The following MFHAS1 variants were observed in gnomAD, a reference collection of about 807,000 sequenced individuals.
MFHAS1 encodes the protein multifunctional ROCO family signaling regulator 1, also known as malignant fibrous histiocytoma-amplified sequence 1.
In MFHAS1, 50 loss-of-function variants were observed where a neutral mutation model predicts 70.4. That is an observed-to-expected ratio of 0.71 (90% CI 0.57 to 0.90). The LOEUF (loss-of-function observed/expected upper bound fraction) is 0.90. Among genes scored for constraint, MFHAS1 ranks in the 40% least tolerant of loss-of-function variants. The pLI is 0.00. For synonymous variants in MFHAS1, 952 were observed against 620.0 expected (o/e 1.54, Z -7.96); for missense variants, 1,795 against 1,347.6 (o/e 1.33, Z -5.20).
chr8:8,831,956 G>C (rs956226810), intron 1 of MFHAS1, among the ~76,000 whole-genome samples: 1 of 151,948 alleles, frequency 6.6e-6, no homozygotes, highest in African/African-American at 2.4e-5. Flanking sequence ...AAAGGAGAAA[G>C]AATAGCTTTT....
chr8:8,848,559 TA>T (rs1163668415), intron 1 of MFHAS1, among the ~76,000 whole-genome samples: 1 of 152,232 alleles, frequency 6.6e-6, no homozygotes, highest in Non-Finnish European at 1.5e-5. Context: ...GAAATTGAAT[TA>T]AAATACTTCA....
Position 8,867,706 on chromosome 8 carries a change from C to T in MFHAS1, c.2998+22355G>A, listed in dbSNP as rs187718513. 7.9e-5 allele frequency among the ~76,000 whole-genome samples: 12 copies of T among 151,992 alleles called. No individual in the cohort carries two copies. In the East Asian group the frequency reaches 1.9e-3, roughly 24 times the overall value. The stretch of plus-strand genomic sequence containing the variant: ...CCAAGTAGCTGGGACTACAGGCACC[C>T]GCCACCACACCCGGCTAATTTTTTG... On this transcript the variant is annotated intron_variant, in intron 1 of 2. Transcript: ENST00000276282.
At chr8:8,880,590 T>C (rs1462552723) in intron 1 of MFHAS1, among the ~76,000 whole-genome samples, 2 of 152,118 alleles carry the variant, frequency 1.3e-5, no homozygotes, top group African/African-American at 4.8e-5. Flanking sequence ...CTCCCAAGCA[T>C]GCTTGTTCAG....
At chr8:8,793,638 T>G (rs920977935) in intron 2 of MFHAS1, among the ~76,000 whole-genome samples, 1 of 152,124 alleles carries the variant, frequency 6.6e-6, no homozygotes, top group African/African-American at 2.4e-5. Context: ...TACCTGAGAG[T>G]GGGAGGGACT....
intron 1 of MFHAS1, among the ~76,000 whole-genome samples, chr8:8,874,713 A>T (rs951625086): frequency 6.6e-6 from 1 of 150,678 alleles, no homozygotes; most frequent in African/African-American, 2.4e-5. Context: ...AAATGTTATG[A>T]GGTTTTTTTA....
At chr8:8,803,202 G>A (rs928841301) in intron 1 of MFHAS1, among the ~76,000 whole-genome samples, 3 of 151,964 alleles carry the variant, frequency 2.0e-5, no homozygotes, top group African/African-American at 4.8e-5. Context: ...ACTGCAGGTC[G>A]AAAAAATTGT....
chr8:8,824,798 A>G (rs1463285991), intron 1 of MFHAS1, among the ~76,000 whole-genome samples: 2 of 152,172 alleles, frequency 1.3e-5, no homozygotes, highest in Non-Finnish European at 1.5e-5. Flanking sequence ...AAGAAAATAG[A>G]TTAGAGAACA....
chr8:8,880,241 C>G (rs952788595), intron 1 of MFHAS1, among the ~76,000 whole-genome samples: 2 of 152,192 alleles, frequency 1.3e-5, no homozygotes, highest in Non-Finnish European at 2.9e-5. Flanking sequence ...GCTACAAAGC[C>G]TGGCAAAAGA....
chr8:8,859,182 G>A (rs749587213), intron 1 of MFHAS1, among the ~76,000 whole-genome samples: 90 of 152,182 alleles, frequency 5.9e-4, no homozygotes, highest in African/African-American at 1.9e-3. Context: ...GCGAAACCCC[G>A]TCTCTACAAA....
intron 1 of MFHAS1, among the ~76,000 whole-genome samples, chr8:8,825,892 T>TAA (rs1807139582): frequency 6.6e-6 from 1 of 152,164 alleles, no homozygotes; most frequent in Admixed American, 6.5e-5. Context: ...GGAGATTGTG[T>TAA]AATTAACTGG....
rs10903311 is a variant in MFHAS1 at position 8,785,877 on chromosome 8, G to A, written c.*145C>T. On this transcript the variant is annotated 3_prime_UTR_variant, in exon 3 of 3. Coordinates refer to ENST00000276282, the MANE Select transcript of MFHAS1 (RefSeq NM_004225.3). ...CCCCCTCCCCACCTCTTCCCCAGTC[G>A]TCCAAAAAGCACCCTGCAAGCACGC... 0.63 allele frequency: 234,828 copies of A among 371,116 alleles called. 76,642 individuals are homozygous for A. The highest frequency in any genetic ancestry group is 0.89 in the East Asian group (13,291 of 14,954). The allele number at this position is 371,116 out of a possible 1,614,324, so 23.0% of individuals were successfully genotyped here. A position where few individuals can be genotyped will look rare whatever the true frequency, so the allele number is the denominator to read the frequency against.
rs142249299 is a variant in MFHAS1 at position 8,855,506 on chromosome 8, T to G, written c.2998+34555A>C. On this transcript the variant is annotated intron_variant, in intron 1 of 2. Transcript: ENST00000276282. ...ACAATGAAAATGAACGTTATAGAATTTATTCTATCATTCTATATATCCCAC... is the reference window on the plus strand; with the variant it reads ...ACAATGAAAATGAACGTTATAGAATGTATTCTATCATTCTATATATCCCAC... 2.6e-5 allele frequency among the ~76,000 whole-genome samples: 4 copies of G among 152,304 alleles called. No individual in the cohort carries two copies. In the East Asian group the frequency reaches 7.7e-4, roughly 29 times the overall value.
rs372416316 is a variant in MFHAS1, at chr8:8,891,589, G to C, written c.1470C>G (p.Phe490Leu). ...CGTATAGGGCCCCTGGGGACAGGAA[G>C]AAGGGCTGGATCACCTCATAACTTT... is the stretch of plus-strand genomic sequence containing the variant. ...GDESYEVIQP[F>L]FLSPGALYVL... Residue 490 changes from phenylalanine (F) to leucine (L), a missense_variant, in exon 1 of 3, where the codon TTC becomes TTG. Coordinates refer to ENST00000276282, the MANE Select transcript of MFHAS1 (RefSeq NM_004225.3). This position sits in a 1 kb window ranked among gnomAD's most constrained non-coding sequence, Gnocchi z 5.4. 3.1e-6 allele frequency: 5 copies of C among 1,613,412 alleles called. No individual in the cohort carries two copies. The South Asian group carries it at 5.5e-5, about 18-fold the overall frequency.
chr8:8,802,545 G>T (rs1295489017), intron 1 of MFHAS1, among the ~76,000 whole-genome samples: 2 of 152,190 alleles, frequency 1.3e-5, no homozygotes, highest in Admixed American at 6.5e-5. Context: ...CTGGTGCCTT[G>T]ATCTTGGACT....
intron 1 of MFHAS1, among the ~76,000 whole-genome samples, chr8:8,873,099 G>A (rs1327086340): frequency 1.3e-5 from 2 of 152,220 alleles, no homozygotes; most frequent in Non-Finnish European, 2.9e-5. Context: ...GCAAGCCAGT[G>A]AGCCATTTTT....
intron 2 of MFHAS1, among the ~76,000 whole-genome samples, chr8:8,789,423 T>G (rs1327357200): frequency 3.3e-5 from 5 of 152,130 alleles, no homozygotes; most frequent in Non-Finnish European, 7.3e-5. Context: ...CCAGGGATGA[T>G]GCCACGTGAG....
chr8:8,891,552 T>A lies in MFHAS1; in HGVS notation c.1507A>T (p.Asn503Tyr). Residue 503 changes from asparagine to tyrosine, a missense_variant, in exon 1 of 3, where the codon AAC becomes TAC. Asn to Tyr is a moderately radical substitution (Grantham distance 143). Transcript: ENST00000276282. This position sits in a 1 kb window ranked among gnomAD's most constrained non-coding sequence, Gnocchi z 5.4. ...SPGALYVLVVNLATYEPRHFP... is the reference protein window; with the variant it reads ...SPGALYVLVVYLATYEPRHFP... Reference sequence around the variant, plus strand: ...TGGCGAGGCTCATAGGTGGCCAAGTTGACCACCAGCACGTATAGGGCCCCT... The same window carrying A: ...TGGCGAGGCTCATAGGTGGCCAAGTAGACCACCAGCACGTATAGGGCCCCT... 1 of 1,613,102 alleles carries A rather than the reference T, an allele frequency of 6.2e-7. No individual in the cohort carries two copies. The highest frequency in any genetic ancestry group is 1.1e-5 in the South Asian group (1 of 91,086).
In MFHAS1 at chr8:8,785,100, T is replaced by C. The variant is rs1313127025; in HGVS notation, c.*922A>G. 1 of 152,156 alleles carries C rather than the reference T, an allele frequency of 6.6e-6. No individual in the cohort carries two copies. The highest frequency in any genetic ancestry group is 2.4e-5 in the African/African-American group (1 of 41,444). 9.4% of individuals were successfully genotyped at this position (152,156 alleles called of 1,614,324 possible). On this transcript the variant is annotated 3_prime_UTR_variant, in exon 3 of 3. Transcript: ENST00000276282. Reference sequence around the variant, plus strand: ...TAAGGTACTTATTAAGCAGAGCACTTTGTAAGATTCAGAACTGACTCCTGA... The same window carrying C: ...TAAGGTACTTATTAAGCAGAGCACTCTGTAAGATTCAGAACTGACTCCTGA...
In MFHAS1 at chr8:8,862,760, T is replaced by C. The variant is rs192841321; in HGVS notation, c.2998+27301A>G. 2.0e-3 allele frequency among the ~76,000 whole-genome samples: 299 copies of C among 152,322 alleles called. 2 individuals are homozygous for C. The highest frequency in any genetic ancestry group is 2.5e-3 in the Non-Finnish European group (168 of 68,026). ...TGTTGTGTCAATGTAGGTTCATCGA[T>C]TGTAACCAGTCCCACTGTGGTTGGG... On this transcript the variant is annotated intron_variant, in intron 1 of 2. Coordinates refer to ENST00000276282, the MANE Select transcript of MFHAS1 (RefSeq NM_004225.3).
Sources: gnomAD v4.1 joint callset for allele counts (sites outside exome capture counted in the v4.1 genomes callset) on GRCh38, gnomAD v4.1.1 for gene constraint, Gnocchi (gnomAD v3.1) non-coding constraint, MANE v1.5 for transcripts, NCBI Gene and HGNC (gene_info 2026-07-23, HGNC 2026-07-21) for gene names.